CPSF4L: variants seen among roughly 807,000 people sequenced by gnomAD.
CPSF4L encodes putative cleavage and polyadenylation specificity factor subunit 4-like protein.
In CPSF4L, 18 loss-of-function variants were observed where a neutral mutation model predicts 24.0. The ratio of observed to expected loss-of-function variants is 0.75; its 90% CI spans 0.52 to 1.11. CPSF4L has a LOEUF of 1.11. Among genes scored for constraint, CPSF4L ranks in the 50% least tolerant of loss-of-function variants. The pLI is 0.00. For synonymous variants in CPSF4L, 72 were observed against 77.2 expected (o/e 0.93, Z 0.35); for missense variants, 211 against 221.8 (o/e 0.95, Z 0.31).
At chr17:73,252,504 C>T in intron 5 of CPSF4L, 126 bp downstream of exon 5, 1 of 683,764 alleles carries the variant, frequency 1.5e-6, no homozygotes, top group Middle Eastern at 3.1e-4. Flanking sequence ...CAGGAAAATA[C>T]TGGAGCGGAT....
downstream of CPSF4L, among the ~76,000 whole-genome samples, chr17:73,246,992 T>C (rs2061959492): frequency 6.6e-6 from 1 of 152,114 alleles, no homozygotes; most frequent in African/African-American, 2.4e-5. Context: ...AGAATGACCT[T>C]CAGTAATACC....
Position 73,253,959 on chromosome 17 carries a change from A to G in CPSF4L, c.375T>C (p.Pro125=). 1 of 1,551,688 alleles carries G rather than the reference A, an allele frequency of 6.4e-7. No individual in the cohort carries two copies. Among genetic ancestry groups the G allele is most frequent in the Non-Finnish European group, 8.7e-7 (1 of 1,146,970 alleles). Residue 125 remains proline (P), a synonymous_variant, in exon 4 of 6, where the codon CCT becomes CCC. Transcript: ENST00000344935. ...CCTTGCAGAAACCTTGGTCATACCA[A>G]GGACAGTCCTGGGACTTGAAAGCTG... ...VKPAFKSQDC[P]WYDQGFCKDG... is the part of the protein sequence containing the mutation.
chr17:73,262,632 G>A (rs1338582779), upstream of CPSF4L, among the ~76,000 whole-genome samples: 2 of 152,202 alleles, frequency 1.3e-5, no homozygotes, highest in Non-Finnish European at 2.9e-5. Flanking sequence ...ACCCCTGCCT[G>A]CAGGGCTGGG....
At chr17:73,252,836 G>A in intron 4 of CPSF4L, 113 bp from the exon 5 acceptor site, 1 of 640,294 alleles carries the variant, frequency 1.6e-6, no homozygotes, top group East Asian at 2.9e-5. Flanking sequence ...TCACTTAATA[G>A]GGGTGGATAA....
At chr17:73,242,875 G>T in the CPSF4L span, 1 of 1,597,540 alleles carries the variant, frequency 6.3e-7, no homozygotes, top group Non-Finnish European at 8.5e-7. Flanking sequence ...GTAACAACAA[G>T]CCGTGTTTCC....
upstream of CPSF4L, among the ~76,000 whole-genome samples, chr17:73,262,686 T>C (rs1001510650): frequency 2.6e-5 from 4 of 152,230 alleles, no homozygotes; most frequent in Non-Finnish European, 5.9e-5. Flanking sequence ...GGGCTCTAAT[T>C]AGACCAGGTT....
chr17:73,258,290 G>A (rs901838582), intron 2 of CPSF4L, among the ~76,000 whole-genome samples: 1 of 148,286 alleles, frequency 6.7e-6, no homozygotes, highest in South Asian at 2.2e-4. Context: ...GATTACAGGC[G>A]TGAGCCACCG....
At chr17:73,262,740 T>G (rs2062052138), upstream of CPSF4L, among the ~76,000 whole-genome samples, 1 of 152,214 alleles carries the variant, frequency 6.6e-6, no homozygotes, top group Non-Finnish European at 1.5e-5. Context: ...TGCCTCTAAC[T>G]AGAGCTGCTG....
chr17:73,248,267 G>GT, downstream of CPSF4L: 2 of 526,658 alleles, frequency 3.8e-6, no homozygotes, highest in Non-Finnish European at 6.8e-6. Context: ...TAGTAGACAA[G>GT]TAAGACTGCT....
chr17:73,249,358 G>A (rs903515177), intron 5 of CPSF4L, among the ~76,000 whole-genome samples: 5 of 152,184 alleles, frequency 3.3e-5, no homozygotes, highest in Middle Eastern at 3.2e-3. Context: ...GTCCTGTGGC[G>A]TAGGTGCTAT....
At chr17:73,243,229 A>G in the CPSF4L span, 1 of 520,634 alleles carries the variant, frequency 1.9e-6, no homozygotes, top group Non-Finnish European at 3.5e-6. Flanking sequence ...ATCTCAGCTC[A>G]CTGCAACCTC....
chr17:73,257,601 GCTC>G, intron 3 of CPSF4L, 77 bp downstream of exon 3: 2 of 1,442,310 alleles, frequency 1.4e-6, no homozygotes, highest in Admixed American at 4.1e-5. Flanking sequence ...CTGCGTGCCC[GCTC>G]CTCTAGAAAC....
chr17:73,254,546 C>G (rs1034891685), intron 3 of CPSF4L, among the ~76,000 whole-genome samples: 16 of 152,186 alleles, frequency 1.1e-4, no homozygotes, highest in Admixed American at 2.6e-4. Context: ...TTATACTAAG[C>G]CTGCGTCATC....
intron 3 of CPSF4L, among the ~76,000 whole-genome samples, chr17:73,255,515 G>GAAAAAAAAAAAAA: frequency 8.5e-6 from 1 of 117,770 alleles, no homozygotes; most frequent in Non-Finnish European, 1.8e-5. Context: ...TCCAAAAAAA[G>GAAAAAAAAAAAAA]AAAAAAAAAA....
chr17:73,250,223 T>C (rs2061999314), intron 5 of CPSF4L: 21 of 1,548,386 alleles, frequency 1.4e-5, no homozygotes, highest in Non-Finnish European at 1.8e-5. Flanking sequence ...GAGCATCTTC[T>C]CCTGACCATA....
At chr17:73,245,028 G>A (rs2061926783), downstream of CPSF4L, 1 of 738,670 alleles carries the variant, frequency 1.4e-6, no homozygotes, top group Admixed American at 2.7e-5. Flanking sequence ...TGAAGAAAGT[G>A]AAACAAACTT....
intron 5 of CPSF4L, among the ~76,000 whole-genome samples, chr17:73,252,140 C>T (rs2062008315): frequency 6.6e-6 from 1 of 152,192 alleles, no homozygotes; most frequent in East Asian, 1.9e-4. Context: ...CGGCACGTGC[C>T]TGCCTGCACT....
At chr17:73,243,128 T>G in the CPSF4L span, 1 of 745,370 alleles carries the variant, frequency 1.3e-6, no homozygotes, top group Non-Finnish European at 2.3e-6. Context: ...TGGCATGCCC[T>G]GGTGAATGAG....
At chr17:73,257,875 C>T (rs1258506378) in intron 2 of CPSF4L, 42 bp from the exon 3 acceptor site, 2 of 1,547,040 alleles carry the variant, frequency 1.3e-6, no homozygotes, top group Non-Finnish European at 1.7e-6. Context: ...CCCTCATCCA[C>T]AGCCTGGGCC....
Sources: allele counts gnomAD v4.1 joint callset (sites outside exome capture counted in the v4.1 genomes callset), GRCh38; gene constraint gnomAD v4.1.1; transcripts MANE v1.5; gene names NCBI Gene and HGNC (gene_info 2026-07-23, HGNC 2026-07-21).